The following SMG7 variants were observed in gnomAD, a reference collection of about 807,000 sequenced individuals.
SMG7 encodes nonsense-mediated mRNA decay factor SMG7.
A neutral mutation model predicts 148.2 loss-of-function variants in SMG7; 34 were observed. The observed-to-expected ratio is 0.23, with a 90% CI of 0.17 to 0.31. The LOEUF is 0.31. SMG7 is among the 10% of genes least tolerant of loss of function. SMG7 has a pLI of 1.00. For missense variants in SMG7, 1,114 were observed against 1,408.4 expected, an observed-to-expected ratio of 0.79 and a Z score of 3.35; for synonymous variants, 492 against 515.1, an observed-to-expected ratio of 0.96 and a Z score of 0.61.
chr1:183,550,074 GA>G (rs373616685), intron 20 of SMG7, 151 bp downstream of exon 20: 17,499 of 416,480 alleles, frequency 0.042, 50 homozygotes, highest in South Asian at 0.06. Context: ...AAAGGAAATA[GA>G]AAAAAAAAAA....
At chr1:183,513,872 A>G (rs934584363) in intron 2 of SMG7, among the ~76,000 whole-genome samples, 1 of 151,918 alleles carries the variant, frequency 6.6e-6, no homozygotes, top group Admixed American at 6.5e-5. Context: ...TGTATTAAAA[A>G]TACAAAAATT....
intron 10 of SMG7, among the ~76,000 whole-genome samples, chr1:183,536,709 A>C (rs1275435165): frequency 6.6e-6 from 1 of 152,186 alleles, no homozygotes; most frequent in Non-Finnish European, 1.5e-5. Flanking sequence ...TGAACAGGGA[A>C]TGTGATTTGT....
At chr1:183,528,324 T>G (rs1274568994) in intron 6 of SMG7, among the ~76,000 whole-genome samples, 5 of 152,138 alleles carry the variant, frequency 3.3e-5, no homozygotes, top group Admixed American at 3.3e-4. Flanking sequence ...CCTTAATTGC[T>G]TATAGAATAA....
At chr1:183,477,826 G>GTATA (rs1009551878) in intron 1 of SMG7, among the ~76,000 whole-genome samples, 2 of 152,060 alleles carry the variant, frequency 1.3e-5, no homozygotes, top group Non-Finnish European at 2.9e-5. Context: ...ACATATGTGT[G>GTATA]TATATATACA....
chr1:183,523,618 T>G (rs1558019415), intron 4 of SMG7, among the ~76,000 whole-genome samples: 2 of 152,178 alleles, frequency 1.3e-5, no homozygotes, highest in African/African-American at 4.8e-5. Context: ...GAAACATCCT[T>G]TTCTCTTCTT....
chr1:183,479,704 T>C (rs955717964), intron 1 of SMG7, among the ~76,000 whole-genome samples: 21 of 152,198 alleles, frequency 1.4e-4, no homozygotes, highest in African/African-American at 4.8e-4. Context: ...GTTATGCCTT[T>C]GGCAAATTAA....
At position 183,550,993 on chromosome 1, in the gene SMG7, G is replaced by A. The variant is rs557943917; in HGVS notation, c.3305-52G>A. ...TATCCTTCCCTGGGGTCTGGCAATTGGCAGTGATAGAACATCTTCTTGAAT... is the reference window on the plus strand; with the variant it reads ...TATCCTTCCCTGGGGTCTGGCAATTAGCAGTGATAGAACATCTTCTTGAAT... On this transcript the variant is annotated intron_variant, in intron 21 of 22. Transcript: ENST00000688051. The A allele has an allele frequency of 3.1e-6, 5 of 1,613,450 alleles. No individual in the cohort carries two copies. In the East Asian group the frequency reaches 6.7e-5, roughly 22 times the overall value.
At chr1:183,537,813 C>T (rs1008870482) in intron 11 of SMG7, among the ~76,000 whole-genome samples, 6 of 152,264 alleles carry the variant, frequency 3.9e-5, no homozygotes, top group South Asian at 2.1e-4. Context: ...TCTATTTACG[C>T]ACTTTCTGTT....
At chr1:183,498,982 C>T (rs975508634) in intron 1 of SMG7, among the ~76,000 whole-genome samples, 1 of 152,134 alleles carries the variant, frequency 6.6e-6, no homozygotes, top group Non-Finnish European at 1.5e-5. Flanking sequence ...TTGCCTTTTC[C>T]GGAATGTCAT....
At chr1:183,539,302 A>T (rs1272107407) in intron 12 of SMG7, among the ~76,000 whole-genome samples, 2 of 152,154 alleles carry the variant, frequency 1.3e-5, no homozygotes, top group African/African-American at 4.8e-5. Context: ...TTCAGCATTG[A>T]GTCCGTCGAT....
intron 1 of SMG7, among the ~76,000 whole-genome samples, chr1:183,474,757 A>G (rs571252594): frequency 9.8e-5 from 15 of 152,306 alleles, no homozygotes; most frequent in Middle Eastern, 3.4e-3. Flanking sequence ...GAGAATAGAA[A>G]AAGAACAACT....
intron 1 of SMG7, among the ~76,000 whole-genome samples, chr1:183,507,791 C>T (rs1457447456): frequency 6.6e-6 from 1 of 152,090 alleles, no homozygotes; most frequent in Non-Finnish European, 1.5e-5. Context: ...GATTATTCCA[C>T]GAGTATTTAT....
At position 183,546,299 on chromosome 1, in the gene SMG7, C is replaced by T. The variant is rs375030502; in HGVS notation, c.2704C>T (p.Arg902Cys). Reference protein sequence around the residue: ...RRGKRSPGVFRPEQDPVPRMP... With the variant: ...RRGKRSPGVFCPEQDPVPRMP... ...GGGCAAACGGTCACCAGGAGTCTTC[C>T]GTCCAGAGCAGGATCCTGTACCCAG... The change falls in exon 17 of 23, where the codon CGT (arginine) becomes TGT (cysteine). Residue 902 changes from arginine to cysteine, a missense_variant. Physicochemically the swap from Arg to Cys is radical, Grantham distance 180. Coordinates refer to ENST00000688051, the MANE Select transcript of SMG7 (RefSeq NM_001375584.1). 22 of 1,613,742 alleles carry T rather than the reference C, an allele frequency of 1.4e-5. No homozygotes were observed. The highest frequency in any genetic ancestry group is 6.7e-5 in the East Asian group (3 of 44,886).
At chr1:183,541,186 A>C in intron 13 of SMG7, 83 bp downstream of exon 13, 1 of 1,203,730 alleles carries the variant, frequency 8.3e-7, no homozygotes, top group Non-Finnish European at 1.2e-6. Flanking sequence ...GCACACACAC[A>C]CATCTCATAT....
In SMG7 at chr1:183,533,178, A is replaced by G; in HGVS notation, c.858A>G (p.Gln286=). The change falls in exon 9 of 23, where the codon CAA becomes CAG. Residue 286 remains glutamine, a synonymous_variant. Coordinates refer to ENST00000688051, the MANE Select transcript of SMG7 (RefSeq NM_001375584.1). ...LEEQFKRLLF[Q]KAFNSQQLVH... Reference sequence around the variant, plus strand: ...TTCTTTTACAGAGGCTGCTATTCCAAAAAGCTTTCAACTCTCAGCAGTTAG... The same window carrying G: ...TTCTTTTACAGAGGCTGCTATTCCAGAAAGCTTTCAACTCTCAGCAGTTAG... 1.2e-6 allele frequency: 2 copies of G among 1,613,578 alleles called. No homozygotes were observed. The highest frequency in any genetic ancestry group is 1.1e-5 in the South Asian group (1 of 91,028).
intron 11 of SMG7, among the ~76,000 whole-genome samples, 198 bp from the exon 12 acceptor site, chr1:183,538,182 A>G (rs1427781610): frequency 6.6e-6 from 1 of 152,196 alleles, no homozygotes; most frequent in Non-Finnish European, 1.5e-5. Context: ...TGTTAGGGGA[A>G]TGTCTGTGTC....
intron 1 of SMG7, among the ~76,000 whole-genome samples, chr1:183,481,496 C>G (rs1252825988): frequency 6.6e-6 from 1 of 152,056 alleles, no homozygotes. Context: ...TGGTTGAGAC[C>G]ATGTTTCAGC....
chr1:183,547,345 C>A, intron 18 of SMG7, 93 bp downstream of exon 18: 1 of 1,192,266 alleles, frequency 8.4e-7, no homozygotes, highest in Non-Finnish European at 1.1e-6. Flanking sequence ...TCTTCTCTTC[C>A]TGGGGCTGTC....
At chr1:183,515,515 A>T (rs1393051653) in intron 2 of SMG7, among the ~76,000 whole-genome samples, 1 of 151,886 alleles carries the variant, frequency 6.6e-6, no homozygotes, top group Non-Finnish European at 1.5e-5. Context: ...ACAGTCTGTT[A>T]TTTCAAATGG....
Sources: gnomAD v4.1 joint callset for allele counts (sites outside exome capture counted in the v4.1 genomes callset) on GRCh38, gnomAD v4.1.1 for gene constraint, MANE v1.5 for transcripts, NCBI Gene and HGNC (gene_info 2026-07-23, HGNC 2026-07-21) for gene names.